Variants in ZNF804A observed in about 807,000 individuals in gnomAD.
The protein encoded by ZNF804A is zinc finger protein 804A.
A neutral mutation model predicts 16.5 loss-of-function variants in ZNF804A; 2 were observed. The observed-to-expected ratio is 0.12, with a 90% CI of 0.05 to 0.38. ZNF804A has a LOEUF of 0.38. ZNF804A is among the 10% of genes least tolerant of loss of function. The pLI is 0.99. For synonymous variants in ZNF804A, 534 were observed against 489.6 expected, an observed-to-expected ratio of 1.09 and a Z score of -1.20; for missense variants, 1,473 against 1,390.7, an observed-to-expected ratio of 1.06 and a Z score of -0.94.
At chr2:184,822,324 C>T (rs1446014400) in intron 1 of ZNF804A, among the ~76,000 whole-genome samples, 1 of 152,082 alleles carries the variant, frequency 6.6e-6, no homozygotes, top group African/African-American at 2.4e-5. Flanking sequence ...AAACCAAACA[C>T]CACATATTCT....
chr2:184,621,394 T>G (rs1461823217), intron 1 of ZNF804A, among the ~76,000 whole-genome samples: 1 of 151,754 alleles, frequency 6.6e-6, no homozygotes, highest in Non-Finnish European at 1.5e-5. Flanking sequence ...TATAGCTATA[T>G]ATCCATGTAT....
In ZNF804A at chr2:184,779,461, T is replaced by C. The variant is rs529860995; in HGVS notation, c.112-86908T>C. ...TTAATCCCCAGAACCTGTGAATATG[T>C]TAGGTTACATGGGAAAGGGAAATTC... On this transcript the variant is annotated intron_variant, in intron 1 of 3. Transcript: ENST00000302277. Among the ~76,000 whole-genome samples, 9 of 151,760 alleles carry C rather than the reference T, an allele frequency of 5.9e-5. No homozygotes were observed. The South Asian group carries it at 1.9e-3, about 32-fold the overall frequency.
At chr2:184,892,787 T>C (rs926760735) in intron 2 of ZNF804A, among the ~76,000 whole-genome samples, 1 of 152,212 alleles carries the variant, frequency 6.6e-6, no homozygotes, top group Admixed American at 6.5e-5. Context: ...TCAGCTGTGT[T>C]CTTTATTTGA....
chr2:184,722,166 T>C (rs577138716), intron 1 of ZNF804A, among the ~76,000 whole-genome samples: 1 of 152,122 alleles, frequency 6.6e-6, no homozygotes, highest in South Asian at 2.1e-4. Context: ...TAAAAATAAA[T>C]TCATGTTCTC....
chr2:184,847,225 C>T (rs1695533581), intron 1 of ZNF804A, among the ~76,000 whole-genome samples: 1 of 152,034 alleles, frequency 6.6e-6, no homozygotes, highest in African/African-American at 2.4e-5. Context: ...TTTTAGTATT[C>T]AGTCTCTGCC....
At chr2:184,671,580 G>C (rs1019664030) in intron 1 of ZNF804A, among the ~76,000 whole-genome samples, 50 of 152,168 alleles carry the variant, frequency 3.3e-4, no homozygotes, top group African/African-American at 1.1e-3. Flanking sequence ...ATTCCTCTGG[G>C]GTACAGCAGA....
At chr2:184,622,503 A>G (rs1691435187) in intron 1 of ZNF804A, among the ~76,000 whole-genome samples, 1 of 151,810 alleles carries the variant, frequency 6.6e-6, no homozygotes, top group Admixed American at 6.6e-5. Flanking sequence ...ATTTTACATT[A>G]TATGTACTGC....
At chr2:184,705,710 A>G (rs1693017062) in intron 1 of ZNF804A, among the ~76,000 whole-genome samples, 1 of 152,122 alleles carries the variant, frequency 6.6e-6, no homozygotes, top group Non-Finnish European at 1.5e-5. Context: ...ACTTCCTTTC[A>G]CACATAAATA....
At chr2:184,843,949 G>T (rs1695475803) in intron 1 of ZNF804A, among the ~76,000 whole-genome samples, 1 of 151,614 alleles carries the variant, frequency 6.6e-6, no homozygotes, top group Admixed American at 6.6e-5. Context: ...TTTTTTCTTT[G>T]TTTCTCTCCT....
chr2:184,719,787 A>G (rs1297169495), intron 1 of ZNF804A, among the ~76,000 whole-genome samples: 1 of 152,154 alleles, frequency 6.6e-6, no homozygotes, highest in Non-Finnish European at 1.5e-5. Context: ...AAAGCCATTG[A>G]ACAAGTCTCT....
intron 1 of ZNF804A, among the ~76,000 whole-genome samples, chr2:184,683,905 C>T (rs1053538278): frequency 6.6e-6 from 1 of 151,840 alleles, no homozygotes; most frequent in Non-Finnish European, 1.5e-5. Context: ...CATTATTGTC[C>T]CTTGCTCTAG....
At chr2:184,760,794 T>A (rs1459094725) in intron 1 of ZNF804A, among the ~76,000 whole-genome samples, 1 of 152,106 alleles carries the variant, frequency 6.6e-6, no homozygotes, top group African/African-American at 2.4e-5. Context: ...GGTTATATAG[T>A]AGCTTTTCTT....
At chr2:184,723,867 CACTT>C (rs1313167712) in intron 1 of ZNF804A, among the ~76,000 whole-genome samples, 2 of 151,596 alleles carry the variant, frequency 1.3e-5, no homozygotes, top group African/African-American at 4.8e-5. Context: ...TCTGTTCTAA[CACTT>C]AATTATGTAT....
At chr2:184,653,523 A>G (rs1257425694) in intron 1 of ZNF804A, among the ~76,000 whole-genome samples, 1 of 152,228 alleles carries the variant, frequency 6.6e-6, no homozygotes, top group Non-Finnish European at 1.5e-5. Context: ...AGCAGGAAAG[A>G]AAGGAAAGTA....
chr2:184,821,566 A>G (rs146392907), intron 1 of ZNF804A, among the ~76,000 whole-genome samples: 1 of 152,150 alleles, frequency 6.6e-6, no homozygotes, highest in Non-Finnish European at 1.5e-5. Flanking sequence ...GAGAAATAGG[A>G]TCTAATTAAA....
intron 2 of ZNF804A, among the ~76,000 whole-genome samples, chr2:184,919,365 T>G (rs933613560): frequency 1.3e-5 from 2 of 152,196 alleles, no homozygotes; most frequent in African/African-American, 4.8e-5. Context: ...CTGTCAATGA[T>G]GGCCATAGCC....
At chr2:184,633,734 TA>T (rs1487502907) in intron 1 of ZNF804A, among the ~76,000 whole-genome samples, 1 of 152,146 alleles carries the variant, frequency 6.6e-6, no homozygotes, top group Middle Eastern at 3.2e-3. Context: ...ATAAAATATG[TA>T]AATCAAAGCA....
intron 1 of ZNF804A, among the ~76,000 whole-genome samples, chr2:184,836,899 C>T (rs1483606738): frequency 6.6e-6 from 1 of 151,484 alleles, no homozygotes; most frequent in Non-Finnish European, 1.5e-5. Flanking sequence ...CTGCATAATA[C>T]TTTAAGCACT....
At chr2:184,872,653 A>G (rs1695994053) in intron 2 of ZNF804A, among the ~76,000 whole-genome samples, 1 of 152,202 alleles carries the variant, frequency 6.6e-6, no homozygotes, top group South Asian at 2.1e-4. Context: ...ACATATAAAA[A>G]TAGACATAAT....
Sources: allele counts gnomAD v4.1 joint callset (sites outside exome capture counted in the v4.1 genomes callset), GRCh38; gene constraint gnomAD v4.1.1; transcripts MANE v1.5; gene names NCBI Gene and HGNC (gene_info 2026-07-23, HGNC 2026-07-21).